CFAP53: variants seen among roughly 807,000 people sequenced by gnomAD.
CFAP53 encodes the protein cilia- and flagella-associated protein 53.
A neutral mutation model predicts 59.7 loss-of-function variants in CFAP53; 62 were observed. That is an observed-to-expected ratio of 1.04 (90% confidence interval 0.85 to 1.28). The LOEUF is 1.28. CFAP53 is among the 50% of genes most tolerant of loss of function. CFAP53 has a pLI of 0.00. For synonymous variants in CFAP53, 218 were observed against 205.7 expected (o/e 1.06, Z -0.51); for missense variants, 629 against 615.6 (o/e 1.02, Z -0.23).
At chr18:50,237,175 G>A (rs927276590) in intron 7 of CFAP53, among the ~76,000 whole-genome samples, 1 of 149,478 alleles carries the variant, frequency 6.7e-6, no homozygotes, top group African/African-American at 2.5e-5. Context: ...GCATGGTGGT[G>A]CATGCCTGTA....
At chr18:50,233,941 G>C (rs554359678) in intron 7 of CFAP53, among the ~76,000 whole-genome samples, 4 of 152,284 alleles carry the variant, frequency 2.6e-5, no homozygotes, top group South Asian at 2.1e-4. Flanking sequence ...CCACTGTGAC[G>C]GAGCAGATTG....
At chr18:50,258,606 A>T (rs2144431921) in intron 3 of CFAP53, among the ~76,000 whole-genome samples, 1 of 152,344 alleles carries the variant, frequency 6.6e-6, no homozygotes, top group East Asian at 1.9e-4. Context: ...GACAAATGGG[A>T]TCATATCAAG....
At chr18:50,235,855 T>C (rs559078805) in intron 7 of CFAP53, among the ~76,000 whole-genome samples, 1 of 152,250 alleles carries the variant, frequency 6.6e-6, no homozygotes, top group Admixed American at 6.5e-5. Flanking sequence ...CAATCCTAGG[T>C]CGGGCAAACT....
intron 1 of CFAP53, among the ~76,000 whole-genome samples, chr18:50,263,218 G>A (rs544508540): frequency 1.2e-4 from 19 of 152,246 alleles, no homozygotes; most frequent in African/African-American, 4.1e-4. Flanking sequence ...CCATAGTCTT[G>A]AGCTTTGTAT....
chr18:50,238,796 AAAGGCAGAGCTTAGAATC>A lies in CFAP53; in HGVS notation c.1214-109_1214-92del, dbSNP rs1332472730. The A allele has an allele frequency of 1.4e-4, 119 of 868,874 alleles. No homozygotes were observed. In the Middle Eastern group the frequency reaches 3.1e-3, roughly 22 times the overall value. 53.8% of individuals were successfully genotyped at this position (868,874 alleles called of 1,614,324 possible). A position where few individuals can be genotyped will look rare whatever the true frequency, so the allele number is the denominator to read the frequency against. On this transcript the variant is annotated intron_variant, in intron 6 of 7. Transcript: ENST00000398545. ...GGCACCAGAGTCATATTGTCTTTAG[AAAGGCAGAGCTTAGAATC>A]AAGGCTGGATCTTAGATTGATAAAG...
chr18:50,239,160 G>A (rs1242536586), intron 6 of CFAP53, among the ~76,000 whole-genome samples: 5 of 151,530 alleles, frequency 3.3e-5, no homozygotes, highest in African/African-American at 9.7e-5. Context: ...GGCTGAGGCA[G>A]GTGGGTCACC....
chr18:50,234,811 T>C (rs1439977057), intron 7 of CFAP53, among the ~76,000 whole-genome samples: 1 of 152,240 alleles, frequency 6.6e-6, no homozygotes, highest in East Asian at 1.9e-4. Flanking sequence ...CTTCCATCAT[T>C]TGGCATCCTC....
At chr18:50,246,444 A>C (rs565697434) in intron 5 of CFAP53, among the ~76,000 whole-genome samples, 3 of 152,204 alleles carry the variant, frequency 2.0e-5, no homozygotes, top group Non-Finnish European at 4.4e-5. Flanking sequence ...ATGAATTAGG[A>C]TCCTTATCTC....
chr18:50,227,632 G>A (rs749328111), intron 7 of CFAP53, 23 bp from the exon 8 acceptor site: 3 of 1,525,042 alleles, frequency 2.0e-6, no homozygotes, highest in South Asian at 1.1e-5. Flanking sequence ...AAATGTCAAA[G>A]CATAAAATTA....
chr18:50,245,679 C>T (rs571761622), intron 5 of CFAP53, among the ~76,000 whole-genome samples: 55 of 152,194 alleles, frequency 3.6e-4, no homozygotes, highest in Non-Finnish European at 6.9e-4. Context: ...AAAATGACAG[C>T]ACTTCCCAAA....
At position 50,227,413 on chromosome 18, in the gene CFAP53, G is replaced by T. The variant is rs192619553; in HGVS notation, c.1513C>A (p.Arg505Ser). ...GGAAGCTTACTGGGGCATGCCTTGC[G>T]CATGGGATGAATGTTTTGAGGCAGC... ...QVLPQNIHPM[R>S]KACPSKLPP The change falls in exon 8 of 8, where the codon CGC becomes AGC. Residue 505 changes from arginine (R) to serine (S), a missense_variant. By Grantham distance (110) the Arg-to-Ser change is moderately radical. Coordinates refer to ENST00000398545, the MANE Select transcript of CFAP53 (RefSeq NM_145020.5). The T allele has an allele frequency of 5.3e-4, 851 of 1,614,050 alleles. 1 individual carries two copies. Among genetic ancestry groups the T allele is most frequent in the Non-Finnish European group, 6.5e-4 (770 of 1,179,896 alleles).
chr18:50,227,527 C>T lies in CFAP53; in HGVS notation c.1399G>A (p.Glu467Lys), dbSNP rs2033536582. The T allele has an allele frequency of 1.2e-6, 2 of 1,614,072 alleles. No individual in the cohort carries two copies. The highest frequency in any genetic ancestry group is 2.7e-5 in the African/African-American group (2 of 74,930). The change falls in exon 8 of 8, where the codon GAA becomes AAA. Residue 467 changes from glutamate to lysine, a missense_variant. Glu to Lys is a moderately conservative substitution (Grantham distance 56, BLOSUM62 1). Transcript: ENST00000398545. ...YQQQSQEAEK[E>K]EKRREFEAGV... ...GCTTCAAACTCTCGGCGTTTCTCTT[C>T]CTTCTCTGCTTCTTGGGACTGCTGC...
At chr18:50,231,761 G>A (rs982815549) in intron 7 of CFAP53, among the ~76,000 whole-genome samples, 13 of 152,170 alleles carry the variant, frequency 8.5e-5, no homozygotes, top group African/African-American at 2.9e-4. Flanking sequence ...CGTGTGATGC[G>A]ACTGGCAGCA....
intron 7 of CFAP53, among the ~76,000 whole-genome samples, chr18:50,236,061 GC>G (rs1407334458): frequency 6.6e-6 from 1 of 152,196 alleles, no homozygotes; most frequent in African/African-American, 2.4e-5. Context: ...AGGACATACA[GC>G]CCTCCTGTGC....
At chr18:50,240,812 C>T (rs1278501649) in intron 6 of CFAP53, among the ~76,000 whole-genome samples, 1 of 152,200 alleles carries the variant, frequency 6.6e-6, no homozygotes, top group Non-Finnish European at 1.5e-5. Flanking sequence ...GATGAGCTTC[C>T]TCTTGCAAAG....
At position 50,251,650 on chromosome 18, in the gene CFAP53, T is replaced by C. The variant is rs73962526; in HGVS notation, c.608A>G (p.Lys203Arg). 5.0e-5 allele frequency: 80 copies of C among 1,614,216 alleles called. 1 individual carries two copies. The Middle Eastern group carries it at 1.2e-3, about 23-fold the overall frequency. Residue 203 changes from lysine to arginine, a missense_variant, in exon 4 of 8, where the codon AAA (lysine) becomes AGA (arginine). Transcript: ENST00000398545. Reference sequence around the variant, plus strand: ...GGCTAATCGGTCTTCCTCCCAGAGTTTGGAGAACATCTGCTCTTCCACCAG... The same window carrying C: ...GGCTAATCGGTCTTCCTCCCAGAGTCTGGAGAACATCTGCTCTTCCACCAG... ...QKLVEEQMFS[K>R]LWEEDRLAKE...
intron 5 of CFAP53, among the ~76,000 whole-genome samples, chr18:50,248,845 T>C (rs191900445): frequency 1.7e-3 from 248 of 149,750 alleles, no homozygotes; most frequent in African/African-American, 5.8e-3. Context: ...CAAATGATTA[T>C]AGCAGCTTTA....
intron 5 of CFAP53, among the ~76,000 whole-genome samples, chr18:50,246,663 A>G (rs1372566495): frequency 6.6e-6 from 1 of 152,242 alleles, no homozygotes; most frequent in African/African-American, 2.4e-5. Context: ...TTCAAAGGAC[A>G]TCATCAAAAA....
intron 4 of CFAP53, among the ~76,000 whole-genome samples, 190 bp from the exon 5 acceptor site, chr18:50,251,166 C>T (rs980902121): frequency 4.6e-5 from 7 of 152,174 alleles, no homozygotes; most frequent in Non-Finnish European, 1.0e-4. Flanking sequence ...ATTGCCTGGG[C>T]ATGTGTGATT....
Sources: allele counts gnomAD v4.1 joint callset (sites outside exome capture counted in the v4.1 genomes callset), GRCh38; gene constraint gnomAD v4.1.1; transcripts MANE v1.5; gene names NCBI Gene and HGNC (gene_info 2026-07-23, HGNC 2026-07-21).